The following GPAM variants were observed in gnomAD, a reference collection of about 807,000 sequenced individuals.
GPAM encodes glycerol-3-phosphate acyltransferase, mitochondrial, also known as glycerol-3-phosphate acyltransferase 1, mitochondrial.
In GPAM, 56 loss-of-function variants were observed where a neutral mutation model predicts 105.0. The observed-to-expected ratio is 0.53, with a 90% CI of 0.43 to 0.67. The LOEUF (loss-of-function observed/expected upper bound fraction) is 0.67. Ranked by LOEUF, GPAM falls within the 30% of genes least tolerant of loss-of-function variation. The pLI, the probability that GPAM is intolerant of heterozygous loss-of-function variation, is 0.00. For synonymous variants in GPAM, 368 were observed against 354.4 expected (o/e 1.04, Z -0.43); for missense variants, 855 against 989.8 (o/e 0.86, Z 1.83).
intron 1 of GPAM, among the ~76,000 whole-genome samples, chr10:112,197,789 C>T (rs930798999): frequency 6.6e-6 from 1 of 151,780 alleles, no homozygotes; most frequent in Non-Finnish European, 1.5e-5. Flanking sequence ...TTTCCAATTT[C>T]ATCCATGTCC....
At chr10:112,180,370 C>A (rs1847485618) in intron 4 of GPAM, 103 bp downstream of exon 4, 1 of 1,079,130 alleles carries the variant, frequency 9.3e-7, no homozygotes, top group Non-Finnish European at 1.4e-6. Flanking sequence ...AAACATGGGT[C>A]TCTGTTCTGA....
At chr10:112,195,911 G>T (rs1208623886) in intron 1 of GPAM, among the ~76,000 whole-genome samples, 1 of 152,230 alleles carries the variant, frequency 6.6e-6, no homozygotes, top group Non-Finnish European at 1.5e-5. Context: ...GTAGCTCTTA[G>T]AGCAGGCATG....
intron 20 of GPAM, 89 bp downstream of exon 20, chr10:112,155,775 G>T: frequency 1.3e-6 from 1 of 763,302 alleles, no homozygotes; most frequent in Non-Finnish European, 2.2e-6. Flanking sequence ...GGATAAGTTT[G>T]CATTTTTCCA....
intron 1 of GPAM, among the ~76,000 whole-genome samples, chr10:112,189,538 A>G (rs1847632332): frequency 1.3e-5 from 2 of 152,164 alleles, no homozygotes; most frequent in South Asian, 4.1e-4. Context: ...CTACTCTCTG[A>G]TTATATTCAG....
intron 9 of GPAM, among the ~76,000 whole-genome samples, chr10:112,171,885 T>G (rs1170176398): frequency 6.6e-6 from 1 of 152,152 alleles, no homozygotes; most frequent in African/African-American, 2.4e-5. Context: ...CCTGGTATGG[T>G]AATTTGCTAT....
intron 1 of GPAM, among the ~76,000 whole-genome samples, chr10:112,200,810 G>A (rs765385431): frequency 6.6e-6 from 1 of 152,174 alleles, no homozygotes; most frequent in Non-Finnish European, 1.5e-5. Context: ...GGAATACTGT[G>A]TAGCTATTAT....
At chr10:112,197,442 C>T (rs868464558) in intron 1 of GPAM, among the ~76,000 whole-genome samples, 834 of 118,630 alleles carry the variant, frequency 7.0e-3, no homozygotes, top group East Asian at 0.012. Context: ...GTAAGGCATT[C>T]TTTTTTTTTT....
At chr10:112,171,744 T>C (rs1226456978) in intron 9 of GPAM, among the ~76,000 whole-genome samples, 1 of 152,206 alleles carries the variant, frequency 6.6e-6, no homozygotes, top group East Asian at 1.9e-4. Context: ...TCACATGATA[T>C]TGTACTTTTT....
rs181445861 is a variant in GPAM, at chr10:112,212,552, C to T, written n.210+2616G>A. ...TGCGGGGATTACAGGCATGAGCCAC[C>T]GTGCCCGGCCTCGCTGTTACTTTTA... On this transcript the variant is annotated intron_variant and non_coding_transcript_variant, in intron 1 of 3. Transcript: ENST00000480130. Among the ~76,000 whole-genome samples, 210 of 152,284 alleles carry T rather than the reference C, an allele frequency of 1.4e-3. 2 individuals carry two copies. Among genetic ancestry groups the T allele is most frequent in the African/African-American group, 4.6e-3 (193 of 41,570 alleles).
intron 3 of GPAM, among the ~76,000 whole-genome samples, chr10:112,181,405 A>T (rs144406723): frequency 1.3e-5 from 2 of 152,158 alleles, no homozygotes; most frequent in African/African-American, 4.8e-5. Flanking sequence ...GAAAGAAAAA[A>T]AAATTTCTTA....
chr10:112,158,917 C>T (rs191568359), intron 17 of GPAM, among the ~76,000 whole-genome samples: 105 of 152,264 alleles, frequency 6.9e-4, no homozygotes, highest in Non-Finnish European at 1.1e-3. Context: ...ACAGATTCCC[C>T]AACAGGACCA....
chr10:112,197,846 C>T (rs1231690420), intron 1 of GPAM, among the ~76,000 whole-genome samples: 1 of 152,086 alleles, frequency 6.6e-6, no homozygotes, highest in Non-Finnish European at 1.5e-5. Context: ...CATAGTATTC[C>T]ATGGCATTCT....
chr10:112,150,051 T>C lies in GPAM; in HGVS notation c.*3499A>G, dbSNP rs1445710246. 2.0e-6 allele frequency: 2 copies of C among 985,004 alleles called. No homozygotes were observed. The highest frequency in any genetic ancestry group is 1.7e-5 in the African/African-American group (1 of 57,236). 61.0% of individuals were successfully genotyped at this position (985,004 alleles called of 1,614,324 possible). On this transcript the variant is annotated 3_prime_UTR_variant, in exon 22 of 22. Coordinates refer to ENST00000348367, the MANE Select transcript of GPAM (RefSeq NM_001244949.2). Reference sequence around the variant, plus strand: ...ATTTCTTTGTACAACAGGCAAATAGTTTAATACCTTCCATCAAGACATTTC... The same window carrying C: ...ATTTCTTTGTACAACAGGCAAATAGCTTAATACCTTCCATCAAGACATTTC...
intron 1 of GPAM, among the ~76,000 whole-genome samples, chr10:112,212,627 C>T (rs1192155461): frequency 1.3e-5 from 2 of 152,118 alleles, no homozygotes; most frequent in East Asian, 3.9e-4. Context: ...CTTAGGGTCT[C>T]GAGAAAGCCC....
At position 112,151,686 on chromosome 10, in the gene GPAM, G is replaced by A. The variant is rs2133218133; in HGVS notation, c.*1864C>T. The A allele has an allele frequency of 1.0e-6, 1 of 984,896 alleles. No homozygotes were observed. The highest frequency in any genetic ancestry group is 1.2e-6 in the Non-Finnish European group (1 of 829,490). 61.0% of individuals were successfully genotyped at this position (984,896 alleles called of 1,614,324 possible). ...GGGCAGAGTGTCGACTGGGAAGCGA[G>A]TCCCAATCTTGAATAATGGTGAGCT... On this transcript the variant is annotated 3_prime_UTR_variant, in exon 22 of 22. Coordinates refer to ENST00000348367, the MANE Select transcript of GPAM (RefSeq NM_001244949.2).
intron 18 of GPAM, among the ~76,000 whole-genome samples, chr10:112,157,706 C>A (rs1480085145): frequency 1.3e-5 from 2 of 152,184 alleles, no homozygotes; most frequent in Non-Finnish European, 2.9e-5. Flanking sequence ...AAAATAGAAT[C>A]TCAAAAATGA....
chr10:112,173,800 A>G lies in GPAM; in HGVS notation c.459T>C (p.Asp153=). 6 of 1,613,198 alleles carry G rather than the reference A, an allele frequency of 3.7e-6. No homozygotes were observed. Among genetic ancestry groups the G allele is most frequent in the Non-Finnish European group, 5.1e-6 (6 of 1,179,206 alleles). Reference sequence around the variant, plus strand: ...CTTTTGATTGCTGCTGGGCAGAACCATCAGGGTTTAATTCAGCAGCCACTT... The same window carrying G: ...CTTTTGATTGCTGCTGGGCAGAACCGTCAGGGTTTAATTCAGCAGCCACTT... The part of the protein sequence containing the change: ...IAEVAAELNP[D]GSAQQQSKAV... The change falls in exon 7 of 22, where the codon GAT becomes GAC. Residue 153 remains aspartate (D), a synonymous_variant. Transcript: ENST00000348367.
intron 1 of GPAM, among the ~76,000 whole-genome samples, chr10:112,196,069 T>C (rs78491398): frequency 0.055 from 8,341 of 152,092 alleles, 339 homozygotes; most frequent in South Asian, 0.16. Flanking sequence ...TGCCACAATC[T>C]AGAACAAGGC....
intron 19 of GPAM, 82 bp from the exon 20 acceptor site, chr10:112,156,135 G>C (rs922791269): frequency 9.4e-6 from 9 of 952,704 alleles, no homozygotes; most frequent in Admixed American, 2.0e-5. Flanking sequence ...TTTCTCTGGA[G>C]AGCCAGTAAC....
Sources: allele counts gnomAD v4.1 joint callset (sites outside exome capture counted in the v4.1 genomes callset), GRCh38; gene constraint gnomAD v4.1.1; transcripts MANE v1.5; gene names NCBI Gene and HGNC (gene_info 2026-07-23, HGNC 2026-07-21).